The following EML5 variants were observed in gnomAD, a reference collection of about 807,000 sequenced individuals.
EML5 encodes the protein EMAP like 5.
Under a neutral mutation model 250.0 loss-of-function variants are expected in EML5, and 120 were observed. The observed-to-expected ratio is 0.48, with a 90% CI of 0.41 to 0.56. EML5 has a LOEUF of 0.56. EML5 is among the 20% of genes least tolerant of loss of function. The probability of loss-of-function intolerance (pLI) is 0.00; values close to 1 mark genes in which losing one functional copy is unlikely to be tolerated. For missense variants in EML5, 2,006 were observed against 2,437.6 expected, an observed-to-expected ratio of 0.82 and a Z score of 3.73; for synonymous variants, 771 against 806.5, an observed-to-expected ratio of 0.96 and a Z score of 0.75.
intron 14 of EML5, among the ~76,000 whole-genome samples, chr14:88,697,783 T>C (rs1394441364): frequency 6.6e-6 from 1 of 152,204 alleles, no homozygotes; most frequent in Non-Finnish European, 1.5e-5. Context: ...TTGCCCAGGC[T>C]GGAGTGCAAT....
At chr14:88,627,412 A>T in intron 34 of EML5, 1 of 502,060 alleles carries the variant, frequency 2.0e-6, no homozygotes, top group Non-Finnish European at 3.5e-6. Context: ...AATAGCAGTG[A>T]ATCATTTATA....
intron 10 of EML5, among the ~76,000 whole-genome samples, chr14:88,707,809 G>A (rs2139799380): frequency 6.6e-6 from 1 of 152,258 alleles, no homozygotes; most frequent in South Asian, 2.1e-4. Context: ...AAAGTCCTAT[G>A]AGGTAAGGGC....
chr14:88,622,307 AAT>A (rs2089144707), intron 37 of EML5: 1 of 261,480 alleles, frequency 3.8e-6, no homozygotes, highest in African/African-American at 2.2e-5. Flanking sequence ...CAGCTGTCCT[AAT>A]ATGAGTCAAC....
intron 24 of EML5, among the ~76,000 whole-genome samples, chr14:88,662,045 T>C (rs1273936232): frequency 6.6e-6 from 1 of 152,170 alleles, no homozygotes; most frequent in African/African-American, 2.4e-5. Context: ...ATTCAGAATA[T>C]AATTATATAT....
chr14:88,696,703 G>C (rs2093087239), intron 15 of EML5, 144 bp downstream of exon 15: 1 of 444,944 alleles, frequency 2.2e-6, no homozygotes, highest in Non-Finnish European at 3.9e-6. Context: ...CATAGTATTT[G>C]ATAAGGATAA....
intron 1 of EML5, among the ~76,000 whole-genome samples, chr14:88,770,027 A>G (rs965352901): frequency 4.0e-5 from 6 of 149,076 alleles, no homozygotes; most frequent in African/African-American, 1.5e-4. Flanking sequence ...ACTGTTTTTC[A>G]GTCATTTAGG....
intron 1 of EML5, among the ~76,000 whole-genome samples, chr14:88,785,912 A>G (rs2094546712): frequency 6.6e-6 from 1 of 152,158 alleles, no homozygotes; most frequent in Non-Finnish European, 1.5e-5. Flanking sequence ...AAATAGTTCC[A>G]ATAACTTCCA....
At chr14:88,754,415 T>C in intron 2 of EML5, 97 bp downstream of exon 2, 1 of 1,151,202 alleles carries the variant, frequency 8.7e-7, no homozygotes, top group Non-Finnish European at 1.1e-6. Context: ...CAAATAATTT[T>C]CATCAAGTGT....
At chr14:88,645,547 T>G (rs1271105370) in intron 29 of EML5, among the ~76,000 whole-genome samples, 1 of 152,220 alleles carries the variant, frequency 6.6e-6, no homozygotes, top group Non-Finnish European at 1.5e-5. Flanking sequence ...TCGTAATATT[T>G]CTATGAACGT....
At chr14:88,782,843 G>C (rs913690070) in intron 1 of EML5, among the ~76,000 whole-genome samples, 7 of 152,222 alleles carry the variant, frequency 4.6e-5, no homozygotes, top group Admixed American at 2.6e-4. Flanking sequence ...ACTTTGGGAG[G>C]CTGAGGTGGG....
intron 21 of EML5, among the ~76,000 whole-genome samples, chr14:88,667,001 C>G (rs2092326542): frequency 6.6e-6 from 1 of 151,842 alleles, no homozygotes; most frequent in Non-Finnish European, 1.5e-5. Context: ...GGATATATTT[C>G]AAAGATAGAG....
At chr14:88,627,980 GA>G in intron 33 of EML5, 161 bp from the exon 34 acceptor site, 1 of 775,098 alleles carries the variant, frequency 1.3e-6, no homozygotes, top group Non-Finnish European at 2.2e-6. Flanking sequence ...TTTAAGAAAG[GA>G]AAAGGAGTTT....
Position 88,726,661 on chromosome 14 carries a change from T to TC in EML5, c.1066dup (p.Asp356GlyfsTer9), listed in dbSNP as rs773530413. On this transcript the variant is annotated frameshift_variant, in exon 8 of 44. Transcript: ENST00000554922. LOFTEE classifies it high-confidence loss of function. The stretch of plus-strand genomic sequence containing the variant: ...ATTACACCTTGCTATTAATGCATGA[T>TC]CTACTAGGCTCCATATCCTGTAAAA... The TC allele has an allele frequency of 6.4e-7, 1 of 1,554,442 alleles. No individual in the cohort carries two copies. Among genetic ancestry groups the TC allele is most frequent in the African/African-American group, 1.4e-5 (1 of 73,246 alleles).
In EML5 at chr14:88,792,856, C is replaced by T. The variant is rs2094624274; in HGVS notation, c.-353G>A. ...CCTCAGCCGCCGCCCGCGCACGCAG[C>T]TCCCAGCCCCGGTCACCTGCGGCGC... On this transcript the variant is annotated 5_prime_UTR_variant, in exon 1 of 44. Coordinates refer to ENST00000554922, the MANE Select transcript of EML5 (RefSeq NM_183387.3). The surrounding 1 kb of genome is among the most constrained non-coding windows in gnomAD (Gnocchi z 6.9). 1.8e-6 allele frequency: 1 copy of T among 549,784 alleles called. No homozygotes were observed. Among genetic ancestry groups the T allele is most frequent in the Non-Finnish European group, 2.3e-6 (1 of 430,992 alleles). 34.1% of individuals were successfully genotyped at this position (549,784 alleles called of 1,614,324 possible). A position where few individuals can be genotyped will look rare whatever the true frequency, so the allele number is the denominator to read the frequency against.
intron 13 of EML5, 41 bp from the exon 14 acceptor site, chr14:88,702,673 TTTATC>T (rs1206015228): frequency 7.1e-7 from 1 of 1,407,758 alleles, no homozygotes; most frequent in African/African-American, 1.5e-5. Flanking sequence ...ATTTTGGCCT[TTTATC>T]TGATCAATAC....
intron 14 of EML5, among the ~76,000 whole-genome samples, chr14:88,701,476 G>C (rs1400025859): frequency 6.6e-6 from 1 of 151,894 alleles, no homozygotes; most frequent in Non-Finnish European, 1.5e-5. Context: ...CACATTTCTT[G>C]GTACATAGAA....
At position 88,655,025 on chromosome 14, in the gene EML5, T is replaced by C. The variant is rs563907671; in HGVS notation, c.4004+2351A>G. Among the ~76,000 whole-genome samples, 11 of 152,252 alleles carry C rather than the reference T, an allele frequency of 7.2e-5. No homozygotes were observed. In the East Asian group the frequency reaches 1.9e-3, roughly 27 times the overall value. On this transcript the variant is annotated intron_variant, in intron 27 of 43. Transcript: ENST00000554922. The stretch of plus-strand genomic sequence containing the variant: ...TGTTGCATTGATCCCTTTACCATTA[T>C]GTAATGCCCTTCTTTGTCTTTTTTG...
At chr14:88,667,039 G>A (rs1010858510) in intron 21 of EML5, among the ~76,000 whole-genome samples, 9 of 151,998 alleles carry the variant, frequency 5.9e-5, no homozygotes, top group Non-Finnish European at 1.2e-4. Flanking sequence ...AACTGGATGT[G>A]GGGTGAAAGG....
chr14:88,705,089 T>C (rs1210182882), intron 12 of EML5, 111 bp from the exon 13 acceptor site: 2 of 682,958 alleles, frequency 2.9e-6, no homozygotes, highest in East Asian at 2.8e-5. Context: ...GCTTTAATAG[T>C]AGTCTTAAAT....
Sources: allele counts gnomAD v4.1 joint callset (sites outside exome capture counted in the v4.1 genomes callset), GRCh38; gene constraint gnomAD v4.1.1; non-coding constraint Gnocchi (gnomAD v3.1); transcripts MANE v1.5; gene names NCBI Gene and HGNC (gene_info 2026-07-23, HGNC 2026-07-21).